SOX6: variants seen among roughly 807,000 people sequenced by gnomAD.
SOX6 encodes the protein SRY-box transcription factor 6.
In SOX6, 11 loss-of-function variants were observed where a neutral mutation model predicts 97.8. That is an observed-to-expected ratio of 0.11 (90% CI 0.07 to 0.19). The LOEUF is 0.19. Ranked by LOEUF, SOX6 falls within the 10% of genes least tolerant of loss-of-function variation. The pLI, the probability that SOX6 is intolerant of heterozygous loss-of-function variation, is 1.00. For synonymous variants in SOX6, 360 were observed against 371.4 expected, an observed-to-expected ratio of 0.97 and a Z score of 0.35; for missense variants, 810 against 1,039.5, an observed-to-expected ratio of 0.78 and a Z score of 3.04.
chr11:16,492,775 T>C (rs1329551231), intron 4 of SOX6, among the ~76,000 whole-genome samples: 1 of 151,654 alleles, frequency 6.6e-6, no homozygotes, highest in Non-Finnish European at 1.5e-5. Flanking sequence ...CGCCTACAAA[T>C]CAATAAAAGA....
At chr11:16,339,802 C>T (rs544176898) in intron 2 of SOX6, among the ~76,000 whole-genome samples, 5 of 151,948 alleles carry the variant, frequency 3.3e-5, no homozygotes, top group Non-Finnish European at 5.9e-5. Context: ...CTTGCCAATA[C>T]GCAAGTGGCA....
At chr11:16,570,488 C>A (rs747619965) in intron 4 of SOX6, among the ~76,000 whole-genome samples, 1 of 152,118 alleles carries the variant, frequency 6.6e-6, no homozygotes, top group Non-Finnish European at 1.5e-5. Context: ...TTCCCAGAAG[C>A]CTTTTATTTA....
intron 6 of SOX6, among the ~76,000 whole-genome samples, chr11:16,134,281 A>G (rs1350088721): frequency 6.6e-6 from 1 of 152,170 alleles, no homozygotes; most frequent in Non-Finnish European, 1.5e-5. Flanking sequence ...ACTTTTAACC[A>G]TTGTTCCATA....
chr11:16,445,258 C>G (rs972909791), intron 1 of SOX6, among the ~76,000 whole-genome samples: 1 of 152,146 alleles, frequency 6.6e-6, no homozygotes, highest in African/African-American at 2.4e-5. Flanking sequence ...AGTCAGGAAA[C>G]TGTCATTTAC....
chr11:16,481,126 C>T (rs1860337989), upstream of SOX6, among the ~76,000 whole-genome samples: 1 of 151,992 alleles, frequency 6.6e-6, no homozygotes, highest in South Asian at 2.1e-4. Context: ...AATTTCAATT[C>T]TTCACTGTTA....
chr11:16,643,322 C>G (rs1848954870), intron 3 of SOX6, among the ~76,000 whole-genome samples: 1 of 152,192 alleles, frequency 6.6e-6, no homozygotes, highest in Non-Finnish European at 1.5e-5. Context: ...CAGTCTGCCC[C>G]TACTGGGGGG....
intron 6 of SOX6, among the ~76,000 whole-genome samples, chr11:16,168,546 C>T (rs1443288393): frequency 6.6e-6 from 1 of 152,102 alleles, no homozygotes; most frequent in Non-Finnish European, 1.5e-5. Context: ...GTTATTTCTA[C>T]TAAAATATAC....
intron 1 of SOX6, among the ~76,000 whole-genome samples, chr11:16,353,405 C>T (rs1590151443): frequency 6.6e-6 from 1 of 152,018 alleles, no homozygotes; most frequent in Non-Finnish European, 1.5e-5. Context: ...ATAGAAAAGC[C>T]TCTCATATGA....
intron 4 of SOX6, among the ~76,000 whole-genome samples, chr11:16,489,047 A>G (rs780563093): frequency 3.9e-5 from 6 of 152,146 alleles, no homozygotes; most frequent in Non-Finnish European, 8.8e-5. Context: ...TTATATTCAC[A>G]CACTTTTTAA....
intron 2 of SOX6, among the ~76,000 whole-genome samples, chr11:16,716,280 G>A (rs1848219054): frequency 6.6e-6 from 1 of 152,016 alleles, no homozygotes; most frequent in Admixed American, 6.6e-5. Context: ...GTGGTGGTAT[G>A]CACCTATAGT....
At chr11:16,436,783 T>TTAAATGATAAATG (rs1859383777) in intron 1 of SOX6, among the ~76,000 whole-genome samples, 1 of 152,172 alleles carries the variant, frequency 6.6e-6, no homozygotes. Flanking sequence ...TAAATGACAC[T>TTAAATGATAAATG]TCGCTCTCAT....
intron 4 of SOX6, among the ~76,000 whole-genome samples, chr11:16,592,977 A>G (rs1848171881): frequency 6.6e-6 from 1 of 152,162 alleles, no homozygotes; most frequent in Non-Finnish European, 1.5e-5. Context: ...CAAGAATCTT[A>G]AGAAAAAGCA....
At chr11:16,467,192 G>GT (rs1407320093) in intron 1 of SOX6, among the ~76,000 whole-genome samples, 5 of 152,156 alleles carry the variant, frequency 3.3e-5, no homozygotes, top group Non-Finnish European at 7.3e-5. Context: ...CGTTTGGGGA[G>GT]TGTAAATTAG....
At chr11:16,414,500 CTGAA>C (rs1219779525) in intron 1 of SOX6, among the ~76,000 whole-genome samples, 2 of 151,984 alleles carry the variant, frequency 1.3e-5, no homozygotes, top group African/African-American at 2.4e-5. Context: ...TGAGTGCCTA[CTGAA>C]TAATGGGCAT....
intron 3 of SOX6, among the ~76,000 whole-genome samples, chr11:16,307,275 G>A (rs1361481373): frequency 2.6e-5 from 4 of 152,158 alleles, no homozygotes; most frequent in Non-Finnish European, 5.9e-5. Context: ...ACACCAATAA[G>A]AAGCAAAAGG....
chr11:16,043,809 G>A (rs1395347842), intron 12 of SOX6, among the ~76,000 whole-genome samples: 5 of 152,074 alleles, frequency 3.3e-5, no homozygotes, highest in South Asian at 2.1e-4. Flanking sequence ...CTTGGCTGTC[G>A]GCCCTCTTCA....
intron 4 of SOX6, among the ~76,000 whole-genome samples, chr11:16,541,706 T>A (rs887466512): frequency 5.3e-5 from 8 of 152,042 alleles, no homozygotes; most frequent in African/African-American, 1.4e-4. Context: ...AGCAGACACA[T>A]GAAAAAATGC....
chr11:16,347,880 T>C (rs1370589373), intron 1 of SOX6, among the ~76,000 whole-genome samples: 1 of 152,096 alleles, frequency 6.6e-6, no homozygotes, highest in Non-Finnish European at 1.5e-5. Context: ...AACAAATTTA[T>C]ATAAAGAAAC....
intron 6 of SOX6, among the ~76,000 whole-genome samples, chr11:16,172,541 C>A (rs1242174119): frequency 6.6e-6 from 1 of 152,024 alleles, no homozygotes; most frequent in Non-Finnish European, 1.5e-5. Context: ...ATTCCAGACC[C>A]TTCAATGGTT....
Sources: allele counts gnomAD v4.1 joint callset (sites outside exome capture counted in the v4.1 genomes callset), GRCh38; gene constraint gnomAD v4.1.1; transcripts MANE v1.5; gene names NCBI Gene and HGNC (gene_info 2026-07-23, HGNC 2026-07-21).